The following CLNK variants were observed in gnomAD, a reference collection of about 807,000 sequenced individuals.
CLNK encodes the protein cytokine dependent hematopoietic cell linker.
Under a neutral mutation model 68.6 loss-of-function variants are expected in CLNK, and 74 were observed. The observed-to-expected ratio is 1.08, with a 90% CI of 0.89 to 1.31. CLNK has a LOEUF of 1.31. CLNK is among the 50% of genes most tolerant of loss of function. The pLI is 0.00. For missense variants in CLNK, 553 were observed against 515.3 expected (o/e 1.07, Z -0.71); for synonymous variants, 198 against 172.2 (o/e 1.15, Z -1.17).
chr4:10,672,165 C>T (rs570494974), intron 1 of CLNK, among the ~76,000 whole-genome samples: 13 of 152,238 alleles, frequency 8.5e-5, no homozygotes, highest in South Asian at 2.1e-4. Flanking sequence ...ACTCAGACTA[C>T]GAGGAAGTGG....
chr4:10,516,836 C>T lies in CLNK; in HGVS notation c.773-3239G>A, dbSNP rs533574943. On this transcript the variant is annotated intron_variant, in intron 15 of 18. Coordinates refer to ENST00000226951, the MANE Select transcript of CLNK (RefSeq NM_052964.4). ...AAAGTGCTGGGATTATAGGCGTGAG[C>T]CACCACGCCTGGCCAGGATTGTAGC... 3.4e-3 allele frequency among the ~76,000 whole-genome samples: 512 copies of T among 152,258 alleles called. 3 individuals are homozygous for T. Among genetic ancestry groups the T allele is most frequent in the Non-Finnish European group, 4.6e-3 (312 of 68,002 alleles).
the CLNK span, among the ~76,000 whole-genome samples, chr4:10,713,288 G>A: frequency 6.6e-6 from 1 of 152,152 alleles, no homozygotes; most frequent in Non-Finnish European, 1.5e-5. Context: ...TGGGGGAGAT[G>A]GTGTTGTCAA....
chr4:10,610,032 C>T (rs76741840), intron 2 of CLNK, among the ~76,000 whole-genome samples: 1,291 of 70,870 alleles, frequency 0.018, 35 homozygotes, highest in African/African-American at 0.061. Flanking sequence ...AATGAATGCT[C>T]GTTTTTTTTT....
At chr4:10,669,780 G>T (rs1015261467) in intron 1 of CLNK, among the ~76,000 whole-genome samples, 1 of 152,050 alleles carries the variant, frequency 6.6e-6, no homozygotes, top group Non-Finnish European at 1.5e-5. Context: ...TCTTATGCTT[G>T]TAGGTCAATA....
chr4:10,710,530 G>C, the CLNK span, among the ~76,000 whole-genome samples: 1 of 152,158 alleles, frequency 6.6e-6, no homozygotes, highest in Non-Finnish European at 1.5e-5. Flanking sequence ...ACACTGTGTG[G>C]CTAGTTTAAA....
At chr4:10,704,061 A>G in the CLNK span, among the ~76,000 whole-genome samples, 2 of 152,136 alleles carry the variant, frequency 1.3e-5, no homozygotes, top group African/African-American at 4.8e-5. Flanking sequence ...TATTTAAAAT[A>G]AGGGGTTGGC....
chr4:10,608,928 G>A (rs1337075825), intron 2 of CLNK, among the ~76,000 whole-genome samples: 2 of 152,164 alleles, frequency 1.3e-5, no homozygotes, highest in South Asian at 2.1e-4. Context: ...TCCTCACGTG[G>A]CCAAAAAAAT....
chr4:10,679,411 C>G (rs1725004262), intron 1 of CLNK, among the ~76,000 whole-genome samples: 1 of 152,148 alleles, frequency 6.6e-6, no homozygotes, highest in Non-Finnish European at 1.5e-5. Flanking sequence ...ACCATAAAAA[C>G]CCTAGAAGAA....
At chr4:10,589,461 C>T (rs954092563) in intron 3 of CLNK, among the ~76,000 whole-genome samples, 4 of 152,216 alleles carry the variant, frequency 2.6e-5, no homozygotes, top group Non-Finnish European at 5.9e-5. Flanking sequence ...TCATATGTCA[C>T]ATCCTCCGGG....
At chr4:10,543,649 A>G (rs997671994) in intron 8 of CLNK, among the ~76,000 whole-genome samples, 1 of 152,230 alleles carries the variant, frequency 6.6e-6, no homozygotes, top group Non-Finnish European at 1.5e-5. Flanking sequence ...CAACTGGCAC[A>G]ATACAACACA....
intron 1 of CLNK, among the ~76,000 whole-genome samples, chr4:10,681,757 C>T (rs2108903955): frequency 6.6e-6 from 1 of 152,300 alleles, no homozygotes; most frequent in Non-Finnish European, 1.5e-5. Context: ...CAGCAGGGTA[C>T]TCATGGAGCA....
At chr4:10,553,030 C>G (rs917285636) in intron 8 of CLNK, among the ~76,000 whole-genome samples, 20 of 147,398 alleles carry the variant, frequency 1.4e-4, no homozygotes, top group Non-Finnish European at 3.0e-4. Context: ...CATCGCTCCC[C>G]CAGGGACTGG....
intron 8 of CLNK, among the ~76,000 whole-genome samples, chr4:10,542,654 GTA>G (rs1263825435): frequency 0.018 from 2,600 of 144,238 alleles, 27 homozygotes; most frequent in Middle Eastern, 0.059. Flanking sequence ...GTGTGTGTGT[GTA>G]TGTGTGTGTG....
chr4:10,580,844 G>GA (rs1236833856), intron 4 of CLNK, among the ~76,000 whole-genome samples: 1 of 152,036 alleles, frequency 6.6e-6, no homozygotes, highest in African/African-American at 2.4e-5. Flanking sequence ...TATTATTGAA[G>GA]AAAAAATATA....
At chr4:10,580,930 G>T (rs533640818) in intron 4 of CLNK, among the ~76,000 whole-genome samples, 1 of 152,158 alleles carries the variant, frequency 6.6e-6, no homozygotes, top group Non-Finnish European at 1.5e-5. Context: ...TCAAGCCTTC[G>T]CATTCACTCA....
chr4:10,504,714 C>A (rs1020995695), intron 17 of CLNK, among the ~76,000 whole-genome samples: 1 of 152,028 alleles, frequency 6.6e-6, no homozygotes, highest in African/African-American at 2.4e-5. Flanking sequence ...GAGAAGAGGC[C>A]AAAACTCATG....
chr4:10,662,955 A>G (rs777835520), intron 2 of CLNK, among the ~76,000 whole-genome samples: 1 of 152,204 alleles, frequency 6.6e-6, no homozygotes, highest in Non-Finnish European at 1.5e-5. Context: ...TCTATCCCCA[A>G]TCTGGGATGT....
intron 15 of CLNK, among the ~76,000 whole-genome samples, chr4:10,517,918 G>T (rs1270192365): frequency 6.6e-6 from 1 of 152,076 alleles, no homozygotes; most frequent in Non-Finnish European, 1.5e-5. Flanking sequence ...TTTGTTGAAT[G>T]AATGAATGAA....
At chr4:10,514,917 A>G (rs1205833994) in intron 15 of CLNK, among the ~76,000 whole-genome samples, 1 of 152,204 alleles carries the variant, frequency 6.6e-6, no homozygotes, top group Non-Finnish European at 1.5e-5. Flanking sequence ...AGAAAAAAAC[A>G]AACAATCCCA....
Sources: allele counts gnomAD v4.1 joint callset (sites outside exome capture counted in the v4.1 genomes callset), GRCh38; gene constraint gnomAD v4.1.1; transcripts MANE v1.5; gene names NCBI Gene and HGNC (gene_info 2026-07-23, HGNC 2026-07-21).